RSRC1: variants seen among roughly 807,000 people sequenced by gnomAD.
The protein encoded by RSRC1 is arginine and serine rich coiled-coil 1.
RSRC1 carries 39 observed loss-of-function variants against 49.1 expected under a neutral mutation model. The observed-to-expected ratio is 0.79, with a 90% CI of 0.61 to 1.04. The LOEUF (loss-of-function observed/expected upper bound fraction) is 1.04. Ranked by LOEUF, RSRC1 falls within the 50% of genes least tolerant of loss-of-function variation. The pLI is 0.00. For synonymous variants in RSRC1, 143 were observed against 130.8 expected (o/e 1.09, Z -0.63); for missense variants, 388 against 402.4 (o/e 0.96, Z 0.31).
intron 3 of RSRC1, among the ~76,000 whole-genome samples, chr3:158,166,047 T>C (rs1718509329): frequency 6.6e-6 from 1 of 152,160 alleles, no homozygotes; most frequent in Non-Finnish European, 1.5e-5. Flanking sequence ...CAGAGTTTTG[T>C]AGTTAGAAGC....
chr3:158,119,273 T>C (rs545549670), intron 1 of RSRC1, among the ~76,000 whole-genome samples: 8 of 152,324 alleles, frequency 5.3e-5, no homozygotes, highest in Non-Finnish European at 1.0e-4. Context: ...TGCTTTTCTC[T>C]TGTTGGAATT....
intron 3 of RSRC1, among the ~76,000 whole-genome samples, chr3:158,182,443 G>A (rs539990940): frequency 1.3e-5 from 2 of 152,146 alleles, no homozygotes; most frequent in Non-Finnish European, 2.9e-5. Context: ...AAATCCCTTC[G>A]TAATTCACTG....
At chr3:158,256,354 G>A (rs1362461515) in intron 4 of RSRC1, among the ~76,000 whole-genome samples, 1 of 152,148 alleles carries the variant, frequency 6.6e-6, no homozygotes, top group Non-Finnish European at 1.5e-5. Context: ...TTCATGTGAT[G>A]GATTACATTT....
chr3:158,260,175 G>T (rs773814869), intron 4 of RSRC1, among the ~76,000 whole-genome samples: 10 of 152,004 alleles, frequency 6.6e-5, no homozygotes, highest in Admixed American at 1.3e-4. Flanking sequence ...CCACAGCTTG[G>T]AATGTGCGGG....
intron 6 of RSRC1, among the ~76,000 whole-genome samples, chr3:158,421,085 G>A (rs1735019124): frequency 6.6e-6 from 1 of 151,872 alleles, no homozygotes; most frequent in South Asian, 2.1e-4. Flanking sequence ...GTTTTCCCAA[G>A]ATGTTAGACT....
chr3:158,507,958 A>T (rs1035845091), intron 7 of RSRC1, among the ~76,000 whole-genome samples: 4 of 152,156 alleles, frequency 2.6e-5, no homozygotes, highest in Non-Finnish European at 5.9e-5. Flanking sequence ...CTGCAATCCT[A>T]GCTACTCAGG....
At chr3:158,327,223 C>G (rs1729213684) in intron 5 of RSRC1, among the ~76,000 whole-genome samples, 2 of 152,126 alleles carry the variant, frequency 1.3e-5, no homozygotes, top group South Asian at 2.1e-4. Context: ...TTTTTTGTGT[C>G]TCTATCTCCT....
chr3:158,318,624 T>G (rs986476679), intron 5 of RSRC1, among the ~76,000 whole-genome samples: 2 of 152,178 alleles, frequency 1.3e-5, no homozygotes, highest in Non-Finnish European at 2.9e-5. Context: ...CCCCCTCTGC[T>G]TTTACCATCC....
intron 3 of RSRC1, among the ~76,000 whole-genome samples, chr3:158,143,334 G>T (rs1460190518): frequency 6.6e-6 from 1 of 152,170 alleles, no homozygotes; most frequent in African/African-American, 2.4e-5. Flanking sequence ...TTAAAGAAAA[G>T]ATTGAAGGGA....
At chr3:158,134,044 T>G (rs951205967) in intron 3 of RSRC1, among the ~76,000 whole-genome samples, 2 of 152,138 alleles carry the variant, frequency 1.3e-5, no homozygotes, top group Non-Finnish European at 2.9e-5. Flanking sequence ...ATGCATGATA[T>G]TGAATATGAG....
intron 7 of RSRC1, among the ~76,000 whole-genome samples, chr3:158,490,401 G>A (rs1482934443): frequency 2.0e-5 from 3 of 152,060 alleles, no homozygotes; most frequent in African/African-American, 7.2e-5. Flanking sequence ...TTTTTTTAAA[G>A]GATTAAAAGA....
intron 1 of RSRC1, among the ~76,000 whole-genome samples, chr3:158,116,181 A>G (rs760614583): frequency 2.0e-5 from 3 of 152,172 alleles, no homozygotes; most frequent in Non-Finnish European, 4.4e-5. Flanking sequence ...CTAAAATTCA[A>G]ATTTTTGCTT....
intron 7 of RSRC1, among the ~76,000 whole-genome samples, chr3:158,468,126 G>T (rs928505760): frequency 3.3e-5 from 5 of 152,084 alleles, no homozygotes; most frequent in Non-Finnish European, 5.9e-5. Flanking sequence ...GTACAGATGG[G>T]GTTTCACCTT....
At chr3:158,283,066 C>T (rs1021016765) in intron 4 of RSRC1, among the ~76,000 whole-genome samples, 5 of 152,098 alleles carry the variant, frequency 3.3e-5, no homozygotes, top group Non-Finnish European at 7.4e-5. Context: ...AAATTGAATT[C>T]ATCTGTAGCT....
At chr3:158,345,792 C>CAT (rs1242376642) in intron 5 of RSRC1, among the ~76,000 whole-genome samples, 1 of 143,298 alleles carries the variant, frequency 7.0e-6, no homozygotes, top group African/African-American at 2.6e-5. Context: ...TATATATACA[C>CAT]ATATATATGT....
At chr3:158,113,053 A>G (rs1054954585) in intron 1 of RSRC1, among the ~76,000 whole-genome samples, 1 of 152,144 alleles carries the variant, frequency 6.6e-6, no homozygotes, top group Admixed American at 6.5e-5. Flanking sequence ...ATTGATGGGC[A>G]TTTAGTTTGA....
Position 158,448,137 on chromosome 3 carries a change from A to G in RSRC1, c.584-12798A>G, listed in dbSNP as rs555684452. Reference sequence around the variant, plus strand: ...ATCATAGTGGCCAAACCGACTTCAAATTGACATCAAGTTGATGTATATGCT... The same window carrying G: ...ATCATAGTGGCCAAACCGACTTCAAGTTGACATCAAGTTGATGTATATGCT... On this transcript the variant is annotated intron_variant, in intron 6 of 9. Coordinates refer to ENST00000611884, the MANE Select transcript of RSRC1 (RefSeq NM_001271838.2). 1.4e-4 allele frequency among the ~76,000 whole-genome samples: 21 copies of G among 152,052 alleles called. No individual in the cohort carries two copies. The South Asian group carries it at 3.9e-3, about 28-fold the overall frequency.
intron 7 of RSRC1, among the ~76,000 whole-genome samples, chr3:158,476,693 A>T (rs1738383382): frequency 6.6e-6 from 1 of 152,186 alleles, no homozygotes; most frequent in South Asian, 2.1e-4. Flanking sequence ...ATTAATGCAC[A>T]TTGACATGTA....
intron 4 of RSRC1, among the ~76,000 whole-genome samples, chr3:158,233,834 C>G (rs1341714427): frequency 6.6e-6 from 1 of 152,124 alleles, no homozygotes; most frequent in Non-Finnish European, 1.5e-5. Context: ...ACCTCATGCT[C>G]TGGGCTATAT....
Sources: gnomAD v4.1 joint callset for allele counts (sites outside exome capture counted in the v4.1 genomes callset) on GRCh38, gnomAD v4.1.1 for gene constraint, MANE v1.5 for transcripts, NCBI Gene and HGNC (gene_info 2026-07-23, HGNC 2026-07-21) for gene names.